Variants in DMD observed in about 807,000 individuals in gnomAD.
DMD encodes dystrophin.
In DMD, 63 loss-of-function variants were observed where a neutral mutation model predicts 330.1. The ratio of observed to expected loss-of-function variants is 0.19; its 90% confidence interval spans 0.16 to 0.24. DMD has a LOEUF of 0.24. DMD is among the 10% of genes least tolerant of loss of function. The probability of loss-of-function intolerance (pLI) is 1.00; values close to 1 mark genes in which losing one functional copy is unlikely to be tolerated. For synonymous variants in DMD, 1,223 were observed against 959.8 expected, an observed-to-expected ratio of 1.27 and a Z score of -5.07; for missense variants, 3,344 against 2,684.1, an observed-to-expected ratio of 1.25 and a Z score of -5.43.
intron 17 of DMD, among the ~76,000 whole-genome samples, chrX:32,541,551 G>A (rs1189972235): frequency 8.9e-6 from 1 of 112,082 alleles, no homozygotes; most frequent in East Asian, 2.8e-4. Flanking sequence ...AAAACAGGCA[G>A]GTTTCACAAA....
intron 1 of DMD, among the ~76,000 whole-genome samples, chrX:33,074,899 T>G (rs2094815390): frequency 8.9e-6 from 1 of 112,072 alleles, no homozygotes; most frequent in African/African-American, 3.2e-5. Flanking sequence ...ATTCCTGGGC[T>G]TATGCCAAGC....
chrX:31,456,870 G>A (rs921190622), intron 59 of DMD, among the ~76,000 whole-genome samples: 8 of 98,221 alleles, frequency 8.1e-5, no homozygotes, highest in Non-Finnish European at 1.2e-4. Context: ...GTGTGTGTGT[G>A]TGTGTGTATA....
chrX:32,319,259 C>A (rs184779000), intron 41 of DMD, among the ~76,000 whole-genome samples: 1 of 110,384 alleles, frequency 9.1e-6, no homozygotes, highest in East Asian at 2.9e-4. Flanking sequence ...TAAGCACCAA[C>A]AATCATGGCC....
intron 2 of DMD, among the ~76,000 whole-genome samples, chrX:32,875,665 C>G (rs1159401665): frequency 2.7e-5 from 3 of 111,985 alleles, no homozygotes; most frequent in Non-Finnish European, 5.6e-5. Context: ...TAAAATTAGT[C>G]AAAGCAACCA....
intron 7 of DMD, among the ~76,000 whole-genome samples, chrX:32,738,566 A>G (rs762398217): frequency 9.0e-6 from 1 of 111,663 alleles, no homozygotes; most frequent in Non-Finnish European, 1.9e-5. Flanking sequence ...CTATTTTCAC[A>G]AACTGATCAG....
intron 55 of DMD, among the ~76,000 whole-genome samples, chrX:31,592,732 C>A (rs767498629): frequency 2.6e-4 from 29 of 110,463 alleles, no homozygotes; most frequent in African/African-American, 9.5e-4. Context: ...CTGCTCATTA[C>A]TATATGTTGA....
intron 7 of DMD, among the ~76,000 whole-genome samples, chrX:32,747,009 C>A (rs2070118827): frequency 8.9e-6 from 1 of 112,003 alleles, no homozygotes; most frequent in African/African-American, 3.2e-5. Flanking sequence ...CAGGCTCATC[C>A]ATGTTACCAC....
chrX:32,428,585 T>C (rs146361924), intron 29 of DMD, among the ~76,000 whole-genome samples: 5 of 111,856 alleles, frequency 4.5e-5, no homozygotes, highest in African/African-American at 1.3e-4. Context: ...GCTTTACGTG[T>C]TTTAAAGGTA....
At chrX:32,349,673 AGT>A (rs890724627) in intron 37 of DMD, among the ~76,000 whole-genome samples, 15 of 111,821 alleles carry the variant, frequency 1.3e-4, no homozygotes, top group African/African-American at 4.5e-4. Flanking sequence ...CTATTGAAGA[AGT>A]GAATAATCAA....
intron 48 of DMD, among the ~76,000 whole-genome samples, chrX:31,845,400 TCTCTCTC>T (rs2093404863): frequency 9.6e-6 from 1 of 103,763 alleles, no homozygotes; most frequent in African/African-American, 3.5e-5. Flanking sequence ...TCTCTCTCTC[TCTCTCTC>T]TCTCTCTCTC....
At chrX:33,247,915 A>G (rs1054778096) in intron 1 of DMD, among the ~76,000 whole-genome samples, 6 of 112,091 alleles carry the variant, frequency 5.4e-5, no homozygotes, top group Admixed American at 9.5e-5. Flanking sequence ...TTTACTCTCA[A>G]ATTAAGTTGG....
At chrX:31,716,517 C>T (rs1419303982) in intron 52 of DMD, among the ~76,000 whole-genome samples, 1 of 111,128 alleles carries the variant, frequency 9.0e-6, no homozygotes, top group Non-Finnish European at 1.9e-5. Context: ...CACCATTGCA[C>T]TCCAGCCTGG....
At chrX:31,824,785 G>C (rs1334511277) in intron 49 of DMD, among the ~76,000 whole-genome samples, 1 of 110,858 alleles carries the variant, frequency 9.0e-6, no homozygotes, top group Non-Finnish European at 1.9e-5. Flanking sequence ...AAAATAAACT[G>C]TGCTAAGAAC....
intron 2 of DMD, among the ~76,000 whole-genome samples, chrX:32,921,728 T>C (rs1212686577): frequency 1.8e-5 from 2 of 111,666 alleles, no homozygotes; most frequent in African/African-American, 3.3e-5. Flanking sequence ...TATGTGCAAT[T>C]AACTAGGTAA....
intron 5 of DMD, among the ~76,000 whole-genome samples, chrX:32,819,996 G>A (rs2078095908): frequency 9.0e-6 from 1 of 111,697 alleles, no homozygotes; most frequent in Non-Finnish European, 1.9e-5. Context: ...CAGAGGCTGG[G>A]AAGAGTCTAC....
intron 1 of DMD, among the ~76,000 whole-genome samples, chrX:33,223,072 G>A (rs1887249482): frequency 8.9e-6 from 1 of 111,920 alleles, no homozygotes; most frequent in South Asian, 3.8e-4. Context: ...CACTTTGGGA[G>A]GCCAAGGTGG....
chrX:32,522,656 C>A (rs768686383), intron 17 of DMD, among the ~76,000 whole-genome samples: 77 of 112,034 alleles, frequency 6.9e-4, no homozygotes, highest in African/African-American at 2.5e-3. Context: ...CTTCATAGAC[C>A]TCTTAACTGT....
intron 4 of DMD, among the ~76,000 whole-genome samples, chrX:32,827,459 T>A (rs1258766919): frequency 9.0e-6 from 1 of 110,506 alleles, no homozygotes; most frequent in Non-Finnish European, 1.9e-5. Context: ...GGTTCAGGAG[T>A]ACATGTGCAG....
intron 17 of DMD, among the ~76,000 whole-genome samples, chrX:32,536,526 T>C (rs1171662907): frequency 3.6e-5 from 4 of 112,250 alleles, no homozygotes; most frequent in Non-Finnish European, 7.5e-5. Context: ...AAGTTCAGAC[T>C]TTAGCAGACA....
Sources: allele counts gnomAD v4.1 joint callset (sites outside exome capture counted in the v4.1 genomes callset), GRCh38; gene constraint gnomAD v4.1.1; transcripts MANE v1.5; gene names NCBI Gene and HGNC (gene_info 2026-07-23, HGNC 2026-07-21).